The following ANKS1B variants were observed in gnomAD, a reference collection of about 807,000 sequenced individuals.
The protein encoded by ANKS1B is ankyrin repeat and sterile alpha motif domain containing 1B, also known as ankyrin repeat and sterile alpha motif domain-containing protein 1B.
A neutral mutation model predicts 148.3 loss-of-function variants in ANKS1B; 36 were observed. That is an observed-to-expected ratio of 0.24 (90% confidence interval 0.19 to 0.32). ANKS1B has a LOEUF of 0.32. ANKS1B is among the 10% of genes least tolerant of loss of function. The probability of loss-of-function intolerance (pLI) is 1.00; values close to 1 mark genes in which losing one functional copy is unlikely to be tolerated. For missense variants in ANKS1B, 1,157 were observed against 1,542.6 expected, an observed-to-expected ratio of 0.75 and a Z score of 4.19; for synonymous variants, 542 against 560.8, an observed-to-expected ratio of 0.97 and a Z score of 0.47.
intron 14 of ANKS1B, among the ~76,000 whole-genome samples, chr12:99,235,748 C>G (rs935478089): frequency 6.6e-6 from 1 of 152,062 alleles, no homozygotes; most frequent in Non-Finnish European, 1.5e-5. Context: ...ACCTGTATTT[C>G]AGAAAAAAAG....
chr12:99,914,915 G>A (rs75685813), intron 1 of ANKS1B, among the ~76,000 whole-genome samples: 1 of 151,898 alleles, frequency 6.6e-6, no homozygotes, highest in African/African-American at 2.4e-5. Flanking sequence ...CAGTAACTAG[G>A]GTCAGGTCCT....
chr12:99,591,947 T>A (rs2097707225), intron 9 of ANKS1B, among the ~76,000 whole-genome samples: 1 of 152,190 alleles, frequency 6.6e-6, no homozygotes, highest in African/African-American at 2.4e-5. Flanking sequence ...TTTCAAATTA[T>A]CTTTAGACAA....
chr12:98,840,043 G>T (rs1161605322), intron 17 of ANKS1B, among the ~76,000 whole-genome samples: 3 of 152,260 alleles, frequency 2.0e-5, no homozygotes, highest in Middle Eastern at 3.4e-3. Context: ...ACTCAAAGGT[G>T]ATCTCTAAGA....
chr12:98,980,916 C>CT (rs1263714145), intron 17 of ANKS1B, among the ~76,000 whole-genome samples: 1 of 152,108 alleles, frequency 6.6e-6, no homozygotes, highest in Non-Finnish European at 1.5e-5. Context: ...GTAGAAATCA[C>CT]TTTTTTTGTC....
intron 10 of ANKS1B, among the ~76,000 whole-genome samples, chr12:99,463,528 T>C (rs557390584): frequency 6.6e-5 from 10 of 152,306 alleles, no homozygotes; most frequent in East Asian, 5.8e-4. Context: ...GGGAGTTCCC[T>C]TTCCTAGTCA....
At chr12:98,928,708 T>C (rs556268993) in intron 17 of ANKS1B, among the ~76,000 whole-genome samples, 10 of 152,078 alleles carry the variant, frequency 6.6e-5, no homozygotes, top group Non-Finnish European at 1.3e-4. Context: ...GCACAATAGA[T>C]GCAGGAATCT....
chr12:99,332,323 T>A (rs1458720561), intron 12 of ANKS1B, among the ~76,000 whole-genome samples: 1 of 152,056 alleles, frequency 6.6e-6, no homozygotes, highest in Non-Finnish European at 1.5e-5. Context: ...TTTTACTGCA[T>A]ATCAAAACAT....
chr12:98,954,959 C>T (rs1365097266), intron 17 of ANKS1B, among the ~76,000 whole-genome samples: 7 of 142,834 alleles, frequency 4.9e-5, no homozygotes, highest in African/African-American at 1.5e-4. Flanking sequence ...TTTATTCCTG[C>T]CTTTCATCCT....
intron 11 of ANKS1B, among the ~76,000 whole-genome samples, chr12:99,437,643 C>T: frequency 6.6e-6 from 1 of 151,902 alleles, no homozygotes; most frequent in East Asian, 1.9e-4. Flanking sequence ...ATCCAGTGCT[C>T]TGTCAACTGC....
intron 8 of ANKS1B, among the ~76,000 whole-genome samples, chr12:99,715,706 A>G (rs1241079309): frequency 6.6e-6 from 1 of 152,084 alleles, no homozygotes; most frequent in Non-Finnish European, 1.5e-5. Context: ...GGGTCCTCAG[A>G]CCCATCAGCC....
At chr12:99,411,426 A>G (rs948302257) in intron 11 of ANKS1B, among the ~76,000 whole-genome samples, 1 of 152,146 alleles carries the variant, frequency 6.6e-6, no homozygotes, top group African/African-American at 2.4e-5. Flanking sequence ...GTGTATATGT[A>G]CCACATTTTC....
At chr12:99,243,123 C>T (rs1699488119) in intron 14 of ANKS1B, among the ~76,000 whole-genome samples, 1 of 152,094 alleles carries the variant, frequency 6.6e-6, no homozygotes, top group Admixed American at 6.6e-5. Flanking sequence ...TTGCAATCTA[C>T]CCATCTGACA....
chr12:99,907,250 C>T (rs1940962437), intron 1 of ANKS1B, among the ~76,000 whole-genome samples: 2 of 152,240 alleles, frequency 1.3e-5, no homozygotes, highest in African/African-American at 4.8e-5. Flanking sequence ...TAATTTCCCC[C>T]AGGCATAAAA....
At chr12:99,821,736 T>C (rs1253805184) in intron 2 of ANKS1B, among the ~76,000 whole-genome samples, 1 of 152,086 alleles carries the variant, frequency 6.6e-6, no homozygotes. Flanking sequence ...ATAGAGTTTA[T>C]CTTCCCAATT....
At chr12:99,767,253 A>C (rs995579472) in intron 8 of ANKS1B, among the ~76,000 whole-genome samples, 15 of 152,152 alleles carry the variant, frequency 9.9e-5, no homozygotes, top group Non-Finnish European at 1.5e-5. Flanking sequence ...ACAAAATTGC[A>C]CAAAACCTGC....
Position 98,968,655 on chromosome 12 carries a change from A to G in ANKS1B, c.2778+84502T>C, listed in dbSNP as rs114786769. ...TTTCTCTCTCCTAAAGCTCCTTCCT[A>G]GGAGCCATTAAATGACAGAGGCCTC... On this transcript the variant is annotated intron_variant, in intron 17 of 26. Transcript: ENST00000683438. Among the ~76,000 whole-genome samples the G allele has an allele frequency of 3.2e-3, 480 of 152,206 alleles. 2 individuals are homozygous for G. The highest frequency in any genetic ancestry group is 0.011 in the African/African-American group (456 of 41,520).
intron 1 of ANKS1B, among the ~76,000 whole-genome samples, chr12:99,906,520 TTGAC>T (rs1407169600): frequency 1.3e-5 from 2 of 148,166 alleles, no homozygotes; most frequent in African/African-American, 2.4e-5. Flanking sequence ...ATTTGGTTGA[TTGAC>T]TGATTTGTTT....
At chr12:99,042,046 C>A (rs1305506509) in intron 17 of ANKS1B, among the ~76,000 whole-genome samples, 2 of 151,860 alleles carry the variant, frequency 1.3e-5, no homozygotes, top group South Asian at 2.1e-4. Context: ...AACAAAAAAA[C>A]CCATAAAACA....
intron 11 of ANKS1B, among the ~76,000 whole-genome samples, chr12:99,441,662 C>T (rs965080072): frequency 6.6e-6 from 1 of 151,894 alleles, no homozygotes; most frequent in African/African-American, 2.4e-5. Flanking sequence ...TCCTGAGTTA[C>T]TTAACTTTCT....
Sources: gnomAD v4.1 joint callset for allele counts (sites outside exome capture counted in the v4.1 genomes callset) on GRCh38, gnomAD v4.1.1 for gene constraint, MANE v1.5 for transcripts, NCBI Gene and HGNC (gene_info 2026-07-23, HGNC 2026-07-21) for gene names.